The following GALNT13 variants were observed in gnomAD, a reference collection of about 807,000 sequenced individuals.
GALNT13 encodes the protein UDP-GalNAc:polypeptide N-acetylgalactosaminyltransferase 13.
A neutral mutation model predicts 64.2 loss-of-function variants in GALNT13; 28 were observed. That is an observed-to-expected ratio of 0.44 (90% CI 0.32 to 0.60). The LOEUF (loss-of-function observed/expected upper bound fraction) is 0.60. GALNT13 is among the 20% of genes least tolerant of loss of function. The pLI is 0.05. For synonymous variants in GALNT13, 214 were observed against 224.6 expected, an observed-to-expected ratio of 0.95 and a Z score of 0.42; for missense variants, 577 against 669.8, an observed-to-expected ratio of 0.86 and a Z score of 1.53.
intron 4 of GALNT13, among the ~76,000 whole-genome samples, chr2:154,194,115 C>A (rs534436175): frequency 1.4e-4 from 21 of 152,254 alleles, no homozygotes; most frequent in Non-Finnish European, 2.2e-4. Flanking sequence ...GAATTAGAAC[C>A]TCAAGAGGTA....
chr2:153,990,517 A>C (rs1316857843), intron 3 of GALNT13, among the ~76,000 whole-genome samples: 1 of 152,170 alleles, frequency 6.6e-6, no homozygotes, highest in African/African-American at 2.4e-5. Context: ...TGCAGAAATG[A>C]AAATAAGTCA....
chr2:154,052,375 A>G (rs970485348), intron 3 of GALNT13, among the ~76,000 whole-genome samples: 1 of 152,164 alleles, frequency 6.6e-6, no homozygotes, highest in African/African-American at 2.4e-5. Context: ...GCACCTTCAA[A>G]TGACCCCATT....
intron 8 of GALNT13, among the ~76,000 whole-genome samples, chr2:154,281,822 C>T (rs1559066063): frequency 6.6e-6 from 1 of 152,034 alleles, no homozygotes; most frequent in Non-Finnish European, 1.5e-5. Context: ...CGCACCCCCA[C>T]TCTGCCCCCA....
chr2:153,491,215 A>G, the GALNT13 span, among the ~76,000 whole-genome samples: 353 of 152,236 alleles, frequency 2.3e-3, no homozygotes, highest in African/African-American at 7.7e-3. Flanking sequence ...AGATTATAGT[A>G]TGTTAGAAAT....
At chr2:153,738,892 C>G in the GALNT13 span, among the ~76,000 whole-genome samples, 2 of 151,648 alleles carry the variant, frequency 1.3e-5, no homozygotes, top group Admixed American at 6.6e-5. Context: ...TAAAAATGTC[C>G]ATATGTAGAG....
chr2:153,413,278 A>G, the GALNT13 span, among the ~76,000 whole-genome samples: 1 of 152,120 alleles, frequency 6.6e-6, no homozygotes, highest in African/African-American at 2.4e-5. Context: ...TACTATCTAT[A>G]CAGGTCAGCT....
At chr2:153,093,236 C>CTTTTTTTTTTTTTT in the GALNT13 span, among the ~76,000 whole-genome samples, 81 of 128,960 alleles carry the variant, frequency 6.3e-4, 1 homozygote, top group Non-Finnish European at 8.4e-4. Flanking sequence ...TTTTTCTTTT[C>CTTTTTTTTTTTTTT]TTTTCTTTTT....
intron 3 of GALNT13, among the ~76,000 whole-genome samples, chr2:153,976,607 A>T (rs1694093035): frequency 6.6e-6 from 1 of 152,144 alleles, no homozygotes; most frequent in African/African-American, 2.4e-5. Context: ...TGAATAAAAC[A>T]TTTGGAACCA....
At chr2:154,378,327 C>T (rs1698096777) in intron 9 of GALNT13, among the ~76,000 whole-genome samples, 1 of 152,128 alleles carries the variant, frequency 6.6e-6, no homozygotes, top group East Asian at 1.9e-4. Flanking sequence ...TTGAGATGTG[C>T]AGCCTTGTGC....
At chr2:154,197,502 A>G (rs183904484) in intron 4 of GALNT13, among the ~76,000 whole-genome samples, 134 of 152,238 alleles carry the variant, frequency 8.8e-4, no homozygotes, top group South Asian at 2.3e-3. Flanking sequence ...AAATGAGTAC[A>G]TCTACCTCAC....
chr2:153,218,073 C>G, the GALNT13 span, among the ~76,000 whole-genome samples: 1 of 152,082 alleles, frequency 6.6e-6, no homozygotes, highest in East Asian at 1.9e-4. Context: ...TCAAATTCCT[C>G]TTGGTATATT....
At chr2:154,434,876 C>T (rs1700878190) in intron 11 of GALNT13, among the ~76,000 whole-genome samples, 1 of 152,080 alleles carries the variant, frequency 6.6e-6, no homozygotes, top group South Asian at 2.1e-4. Flanking sequence ...AATGTAATTG[C>T]ACAATAGAAG....
intron 3 of GALNT13, among the ~76,000 whole-genome samples, chr2:154,139,900 C>G (rs1471603991): frequency 6.6e-6 from 1 of 151,926 alleles, no homozygotes; most frequent in Non-Finnish European, 1.5e-5. Flanking sequence ...TTTTGTTTGC[C>G]TTTATAAAGA....
At chr2:153,649,655 G>A in the GALNT13 span, among the ~76,000 whole-genome samples, 3 of 152,124 alleles carry the variant, frequency 2.0e-5, no homozygotes, top group Admixed American at 6.6e-5. Flanking sequence ...ATAGATTCTG[G>A]TATGTTGTGC....
rs1688857166 is a variant in GALNT13 at position 153,910,366 on chromosome 2, A to G, written c.-105+9359A>G. On this transcript the variant is annotated intron_variant, in intron 2 of 12. Transcript: ENST00000392825. ...CTAGCTAGTTTCTATCCATCTTTTT[A>G]ATTTTCTCAAAATGCCAACTCCTGG... Among the ~76,000 whole-genome samples the G allele has an allele frequency of 3.3e-5, 5 of 151,592 alleles. No homozygotes were observed. The South Asian group carries it at 1.0e-3, about 32-fold the overall frequency.
the GALNT13 span, among the ~76,000 whole-genome samples, chr2:153,431,956 C>A: frequency 6.6e-6 from 1 of 152,264 alleles, no homozygotes; most frequent in South Asian, 2.1e-4. Context: ...TCCTAGGAAG[C>A]TTTAAAAAAT....
chr2:154,280,643 A>G (rs932635483), intron 8 of GALNT13, among the ~76,000 whole-genome samples: 5 of 152,146 alleles, frequency 3.3e-5, no homozygotes, highest in Non-Finnish European at 5.9e-5. Context: ...CTTTTTATGT[A>G]TTGCTGGCAT....
At chr2:154,172,654 G>C (rs1367026702) in intron 4 of GALNT13, among the ~76,000 whole-genome samples, 1 of 17,580 alleles carries the variant, frequency 5.7e-5, no homozygotes, top group Non-Finnish European at 2.6e-4. Flanking sequence ...ATTCTAGAGT[G>C]TGTGTGTGTG....
At chr2:153,612,884 T>C in the GALNT13 span, among the ~76,000 whole-genome samples, 1 of 152,176 alleles carries the variant, frequency 6.6e-6, no homozygotes, top group Non-Finnish European at 1.5e-5. Flanking sequence ...TTTCTCTTTA[T>C]CTTCATTTTG....
Sources: allele counts gnomAD v4.1 joint callset (sites outside exome capture counted in the v4.1 genomes callset), GRCh38; gene constraint gnomAD v4.1.1; transcripts MANE v1.5; gene names NCBI Gene and HGNC (gene_info 2026-07-23, HGNC 2026-07-21).